ZNF385D: variants seen among roughly 807,000 people sequenced by gnomAD.
ZNF385D encodes the protein zinc finger protein 385D.
A neutral mutation model predicts 35.8 loss-of-function variants in ZNF385D; 15 were observed. The observed-to-expected ratio is 0.42, with a 90% CI of 0.28 to 0.64. ZNF385D has a LOEUF of 0.64. ZNF385D is among the 30% of genes least tolerant of loss of function. The pLI is 0.23. For missense variants in ZNF385D, 474 were observed against 494.6 expected (o/e 0.96, Z 0.39); for synonymous variants, 212 against 186.8 (o/e 1.13, Z -1.10).
chr3:22,240,233 T>A (rs1215940536), intron 2 of ZNF385D, among the ~76,000 whole-genome samples: 4 of 142,654 alleles, frequency 2.8e-5, no homozygotes, highest in Admixed American at 7.0e-5. Flanking sequence ...CACCAAAAAG[T>A]CATCATCATT....
At chr3:21,953,984 A>G (rs563215651) in intron 3 of ZNF385D, among the ~76,000 whole-genome samples, 6 of 152,186 alleles carry the variant, frequency 3.9e-5, no homozygotes, top group African/African-American at 1.4e-4. Flanking sequence ...GATAAATATA[A>G]GCTGGACAAA....
chr3:22,314,818 G>A (rs998651272), intron 2 of ZNF385D, among the ~76,000 whole-genome samples: 4 of 152,072 alleles, frequency 2.6e-5, no homozygotes, highest in African/African-American at 4.8e-5. Context: ...TAATTGACTA[G>A]GCCTGGACTA....
intron 4 of ZNF385D, among the ~76,000 whole-genome samples, chr3:21,509,481 A>G (rs1016216841): frequency 2.0e-5 from 3 of 152,220 alleles, no homozygotes; most frequent in African/African-American, 7.2e-5. Flanking sequence ...AAAAGACCAA[A>G]GCTTTCCCTA....
intron 2 of ZNF385D, among the ~76,000 whole-genome samples, chr3:22,288,101 G>A (rs1438189418): frequency 6.6e-6 from 1 of 151,678 alleles, no homozygotes; most frequent in Non-Finnish European, 1.5e-5. Context: ...TGATTGCAAT[G>A]TTTTTGCTAA....
chr3:21,556,053 G>GTTTTTTTTTTTTTTTTTTTTTTTTTTTTT (rs1209768767), intron 3 of ZNF385D, among the ~76,000 whole-genome samples: 1 of 110,788 alleles, frequency 9.0e-6, no homozygotes, highest in Admixed American at 8.8e-5. Flanking sequence ...ACTTTTTGAC[G>GTTTTTTTTTTTTTTTTTTTTTTTTTTTTT]TTTTTTTTGT....
At chr3:22,101,972 T>C (rs1381851911) in intron 3 of ZNF385D, among the ~76,000 whole-genome samples, 2 of 151,434 alleles carry the variant, frequency 1.3e-5, no homozygotes, top group African/African-American at 2.4e-5. Flanking sequence ...TCATAGGATC[T>C]AGTATCCTAC....
chr3:22,287,212 T>G (rs547266511), intron 2 of ZNF385D, among the ~76,000 whole-genome samples: 142 of 152,156 alleles, frequency 9.3e-4, no homozygotes, highest in African/African-American at 3.4e-3. Flanking sequence ...CTCTTTTCCA[T>G]TGCATAGGAT....
chr3:22,267,231 G>C (rs1019571838), intron 2 of ZNF385D, among the ~76,000 whole-genome samples: 3 of 151,810 alleles, frequency 2.0e-5, no homozygotes, highest in Non-Finnish European at 4.4e-5. Flanking sequence ...AAATAATTAG[G>C]TTTCAAAAGA....
At chr3:21,624,557 G>C (rs2125821480) in intron 2 of ZNF385D, among the ~76,000 whole-genome samples, 1 of 152,086 alleles carries the variant, frequency 6.6e-6, no homozygotes, top group South Asian at 2.1e-4. Context: ...ATGACTGCTG[G>C]CAAGAATTGG....
chr3:21,685,859 T>C (rs2067086096), intron 1 of ZNF385D, among the ~76,000 whole-genome samples: 1 of 152,124 alleles, frequency 6.6e-6, no homozygotes, highest in Admixed American at 6.6e-5. Flanking sequence ...AGTAAAGTAA[T>C]AAGCCACGCA....
chr3:21,966,841 G>A lies in ZNF385D; in HGVS notation c.325+201976C>T, dbSNP rs535547738. On this transcript the variant is annotated intron_variant, in intron 3 of 5. Transcript: ENST00000494108. ...AAGTGATCTGCCAACCTTGGCCTCC[G>A]AGGCCGAAGGATTATAGGGATTATA... Among the ~76,000 whole-genome samples the A allele has an allele frequency of 9.9e-5, 15 of 152,264 alleles. 1 individual carries two copies. In the South Asian group the frequency reaches 1.7e-3, roughly 17 times the overall value.
intron 2 of ZNF385D, among the ~76,000 whole-genome samples, chr3:22,199,350 A>T (rs1696630807): frequency 6.6e-6 from 1 of 152,152 alleles, no homozygotes; most frequent in African/African-American, 2.4e-5. Context: ...TATTCAAGGC[A>T]TACTTAAATA....
intron 2 of ZNF385D, among the ~76,000 whole-genome samples, chr3:21,647,107 G>A (rs1479603368): frequency 6.6e-6 from 1 of 152,166 alleles, no homozygotes; most frequent in Non-Finnish European, 1.5e-5. Flanking sequence ...AATGTTCAGA[G>A]TAACTCATTA....
At chr3:21,580,674 C>T (rs1404739402) in intron 2 of ZNF385D, among the ~76,000 whole-genome samples, 2 of 150,316 alleles carry the variant, frequency 1.3e-5, no homozygotes, top group African/African-American at 4.9e-5. Context: ...ACCTTTTCTG[C>T]ATGACAATTC....
intron 3 of ZNF385D, among the ~76,000 whole-genome samples, chr3:22,031,213 G>T (rs80190016): frequency 6.6e-6 from 1 of 152,140 alleles, no homozygotes; most frequent in African/African-American, 2.4e-5. Flanking sequence ...TCTGAAGAAT[G>T]GTAGCCCTTT....
At chr3:21,432,992 C>T (rs1701371379) in intron 5 of ZNF385D, among the ~76,000 whole-genome samples, 1 of 151,724 alleles carries the variant, frequency 6.6e-6, no homozygotes, top group South Asian at 2.1e-4. Context: ...ATAATTTGAT[C>T]CTTAAAAATG....
intron 2 of ZNF385D, among the ~76,000 whole-genome samples, chr3:21,567,095 C>T (rs909969308): frequency 2.0e-5 from 3 of 147,244 alleles, no homozygotes; most frequent in Non-Finnish European, 4.6e-5. Context: ...ATCCATTTGC[C>T]ATTGATGAAC....
At chr3:21,944,130 T>C (rs565986364) in intron 3 of ZNF385D, among the ~76,000 whole-genome samples, 2 of 152,348 alleles carry the variant, frequency 1.3e-5, no homozygotes, top group African/African-American at 2.4e-5. Context: ...AAAATTCATA[T>C]ATACAGCACT....
At position 22,271,881 on chromosome 3, in the gene ZNF385D, C is replaced by A. The variant is rs1019727610; in HGVS notation, c.106+100569G>T. On this transcript the variant is annotated intron_variant, in intron 2 of 5. Transcript: ENST00000494108. ...TTCAATTTACAATTTTTAGACTTTA[C>A]AATAGTGTAAAAACAATACGCATTC... is the stretch of plus-strand genomic sequence containing the variant. 4.6e-5 allele frequency among the ~76,000 whole-genome samples: 7 copies of A among 151,926 alleles called. No individual in the cohort carries two copies. In the East Asian group the frequency reaches 1.4e-3, roughly 30 times the overall value.
Sources: allele counts gnomAD v4.1 joint callset (sites outside exome capture counted in the v4.1 genomes callset), GRCh38; gene constraint gnomAD v4.1.1; transcripts MANE v1.5; gene names NCBI Gene and HGNC (gene_info 2026-07-23, HGNC 2026-07-21).